The following PRKCG variants were observed in gnomAD, a reference collection of about 807,000 sequenced individuals.
The protein encoded by PRKCG is protein kinase C gamma.
In PRKCG, 28 loss-of-function variants were observed where a neutral mutation model predicts 82.0. That is an observed-to-expected ratio of 0.34 (90% CI 0.25 to 0.47). PRKCG has a LOEUF of 0.47. PRKCG is among the 20% of genes least tolerant of loss of function. The pLI is 1.00. For missense variants in PRKCG, 640 were observed against 952.7 expected (o/e 0.67, Z 4.32); for synonymous variants, 383 against 376.6 (o/e 1.02, Z -0.20).
In PRKCG at chr19:53,892,497, A is replaced by C. The variant is rs747244105; in HGVS notation, c.687-12A>C. 5.6e-6 allele frequency: 9 copies of C among 1,608,844 alleles called. No individual in the cohort carries two copies. Among genetic ancestry groups the C allele is most frequent in the Middle Eastern group, 1.6e-4 (1 of 6,080 alleles). ...CTCGGCTCTGCACCCCATCCACCCC[A>C]CCTTCCTGCAGCAACCTGAAGCCAG... On this transcript the variant is annotated splice_polypyrimidine_tract_variant and intron_variant, in intron 6 of 17. Coordinates refer to ENST00000263431, the MANE Select transcript of PRKCG (RefSeq NM_002739.5). The surrounding 1 kb of genome is among the most constrained non-coding windows in gnomAD (Gnocchi z 5.9).
In PRKCG at chr19:53,906,933, C is replaced by T; in HGVS notation, c.*38C>T. 1 of 1,612,402 alleles carries T rather than the reference C, an allele frequency of 6.2e-7. No homozygotes were observed. ...CCACTAGGTGTCCCCAACGTCCCCTCCGCCGTGCCGGCGGCAGCCCCACTT... is the reference window on the plus strand; with the variant it reads ...CCACTAGGTGTCCCCAACGTCCCCTTCGCCGTGCCGGCGGCAGCCCCACTT... On this transcript the variant is annotated 3_prime_UTR_variant, in exon 18 of 18. Transcript: ENST00000263431.
chr19:53,882,773 CA>C lies in PRKCG; in HGVS notation c.170+110del. 6.9e-7 allele frequency: 1 copy of C among 1,439,750 alleles called. No homozygotes were observed. The highest frequency in any genetic ancestry group is 9.3e-7 in the Non-Finnish European group (1 of 1,074,990). 89.2% of individuals were successfully genotyped at this position (1,439,750 alleles called of 1,614,324 possible). On this transcript the variant is annotated intron_variant, in intron 1 of 17. Coordinates refer to ENST00000263431, the MANE Select transcript of PRKCG (RefSeq NM_002739.5). This position sits in a 1 kb window ranked among gnomAD's most constrained non-coding sequence, Gnocchi z 6.1. ...AGGAGGGGGCTGTAGTCCCGACTCCCAGGTTCTAGGATGGCCAGGGAACGCT... is the reference window on the plus strand; with the variant it reads ...AGGAGGGGGCTGTAGTCCCGACTCCCGGTTCTAGGATGGCCAGGGAACGCT...
chr19:53,893,512 C>A, intron 9 of PRKCG, 121 bp downstream of exon 9: 1 of 1,113,134 alleles, frequency 9.0e-7, no homozygotes, highest in Non-Finnish European at 1.4e-6. Context: ...TTGTGCTAGG[C>A]CTGTCTTGTG....
At position 53,907,258 on chromosome 19, in the gene PRKCG, A is replaced by G. The variant is rs1389809141; in HGVS notation, c.*363A>G. 2.7e-6 allele frequency: 1 copy of G among 364,890 alleles called. No individual in the cohort carries two copies. Among genetic ancestry groups the G allele is most frequent in the Non-Finnish European group, 5.2e-6 (1 of 193,146 alleles). 22.6% of individuals were successfully genotyped at this position (364,890 alleles called of 1,614,324 possible). On this transcript the variant is annotated 3_prime_UTR_variant, in exon 18 of 18. Transcript: ENST00000263431. ...CTCCCCCCAGACCCCGCCCCTGGGG[A>G]AATAGCCTCACGGGGTTGGCTGTTC...
At chr19:53,888,787 G>GA (rs555468925) in intron 3 of PRKCG, among the ~76,000 whole-genome samples, 70 of 152,256 alleles carry the variant, frequency 4.6e-4, no homozygotes, top group African/African-American at 1.6e-3. Context: ...AGCTGCCAGT[G>GA]AAGGAGCTGG....
At chr19:53,894,317 A>G (rs1379964745) in intron 9 of PRKCG, among the ~76,000 whole-genome samples, 13 of 146,938 alleles carry the variant, frequency 8.8e-5, no homozygotes, top group Non-Finnish European at 1.2e-4. Flanking sequence ...CACCCGCCTC[A>G]GCCTCCCAAA....
intron 14 of PRKCG, among the ~76,000 whole-genome samples, chr19:53,902,684 C>T (rs958081031): frequency 3.3e-5 from 5 of 151,804 alleles, no homozygotes; most frequent in Admixed American, 6.6e-5. Flanking sequence ...TGCTTGAGTC[C>T]GGGAGTTTGA....
In PRKCG at chr19:53,892,644, G is replaced by A; in HGVS notation, c.821+1G>A. 6.2e-7 allele frequency: 1 copy of A among 1,610,836 alleles called. No individual in the cohort carries two copies. The highest frequency in any genetic ancestry group is 8.5e-7 in the Non-Finnish European group (1 of 1,179,666). On this transcript the variant is annotated splice_donor_variant, in intron 7 of 17. Transcript: ENST00000263431. LOFTEE classifies it high-confidence loss of function. This position sits in a 1 kb window ranked among gnomAD's most constrained non-coding sequence, Gnocchi z 5.9. ...TGCTCAAGGCGCCCGTGGATGGCTG[G>A]TGAGGAGCAGGGCTGGGGCCTGGGG...
intron 3 of PRKCG, among the ~76,000 whole-genome samples, chr19:53,888,008 A>G (rs974157214): frequency 6.6e-6 from 1 of 152,090 alleles, no homozygotes; most frequent in Admixed American, 6.6e-5. Context: ...TTGAACTCTG[A>G]TGTATGTAAC....
At chr19:53,893,415 T>C (rs2068694865) in intron 9 of PRKCG, 24 bp downstream of exon 9, 1 of 1,609,022 alleles carries the variant, frequency 6.2e-7, no homozygotes, top group East Asian at 2.2e-5. Flanking sequence ...GGGCGTTGAA[T>C]GGAGGCAGTT....
In PRKCG at chr19:53,883,342, T is replaced by A; in HGVS notation, c.202+148T>A. The A allele has an allele frequency of 1.0e-6, 1 of 988,790 alleles. No homozygotes were observed. The highest frequency in any genetic ancestry group is 1.5e-6 in the Non-Finnish European group (1 of 657,154). 61.3% of individuals were successfully genotyped at this position (988,790 alleles called of 1,614,324 possible). A position where few individuals can be genotyped will look rare whatever the true frequency, so the allele number is the denominator to read the frequency against. Reference sequence around the variant, plus strand: ...GGGGGTGTGGCAGAGACACAGCCTGTGGTGGGGAGGGAGCTTTGATGGTGG... The same window carrying A: ...GGGGGTGTGGCAGAGACACAGCCTGAGGTGGGGAGGGAGCTTTGATGGTGG... On this transcript the variant is annotated intron_variant, in intron 2 of 17. Transcript: ENST00000263431. The surrounding 1 kb of genome is among the most constrained non-coding windows in gnomAD (Gnocchi z 5.4).
At position 53,883,076 on chromosome 19, in the gene PRKCG, C is replaced by G. The variant is rs568296999; in HGVS notation, c.171-87C>G. 1.3e-6 allele frequency: 2 copies of G among 1,540,208 alleles called. No homozygotes were observed. Among genetic ancestry groups the G allele is most frequent in the East Asian group, 4.5e-5 (2 of 44,482 alleles). On this transcript the variant is annotated intron_variant, in intron 1 of 17. Coordinates refer to ENST00000263431, the MANE Select transcript of PRKCG (RefSeq NM_002739.5). This position sits in a 1 kb window ranked among gnomAD's most constrained non-coding sequence, Gnocchi z 5.4. The stretch of plus-strand genomic sequence containing the variant: ...CACCTGGGCCCTGCGGGAGGAGGGT[C>G]AGAGAGCGCAGGCCCCCTGTGGCTC...
In PRKCG at chr19:53,900,227, C is replaced by T. The variant is rs375578686; in HGVS notation, c.1282-6C>T. 2.0e-5 allele frequency: 33 copies of T among 1,613,712 alleles called. No homozygotes were observed. The African/African-American group carries it at 2.4e-4, about 12-fold the overall frequency. On this transcript the variant is annotated splice_polypyrimidine_tract_variant and splice_region_variant and intron_variant, in intron 11 of 17. Coordinates refer to ENST00000263431, the MANE Select transcript of PRKCG (RefSeq NM_002739.5). This position sits in a 1 kb window ranked among gnomAD's most constrained non-coding sequence, Gnocchi z 4.2. ...CCCGCCTCTAAGCCCATGCACTTCT[C>T]CGCAGGACCGCCTGTATTTCGTGAT...
In PRKCG at chr19:53,898,607, C is replaced by G; in HGVS notation, c.1260C>G (p.Leu420=). The G allele has an allele frequency of 1.3e-6, 2 of 1,591,242 alleles. No individual in the cohort carries two copies. The highest frequency in any genetic ancestry group is 1.7e-6 in the Non-Finnish European group (2 of 1,170,006). The change falls in exon 11 of 18, where the codon CTC becomes CTG. Residue 420 remains leucine, a synonymous_variant. Transcript: ENST00000263431. The stretch of plus-strand genomic sequence containing the variant: ...GCCGGCCCCACTTCCTCACCCAGCT[C>G]CACTCCACCTTCCAGACCCCGGTAA... ...PGGRPHFLTQ[L]HSTFQTPDRL... is the part of the protein sequence containing the mutation.
Position 53,892,752 on chromosome 19 carries a change from G to GCGCACACA in PRKCG, c.821+110_821+111insGCACACAC, listed in dbSNP as rs1201671245. 1.4e-3 allele frequency: 1,550 copies of GCGCACACA among 1,096,666 alleles called. 7 individuals are homozygous for GCGCACACA. Among genetic ancestry groups the GCGCACACA allele is most frequent in the African/African-American group, 9.8e-3 (586 of 59,574 alleles). The allele number at this position is 1,096,666 out of a possible 1,614,324, so 67.9% of individuals were successfully genotyped here. A position where few individuals can be genotyped will look rare whatever the true frequency, so the allele number is the denominator to read the frequency against. ...TCCTTCCCTCTGCCTCCCAGCATGC[G>GCGCACACA]CACACACACACACACACACACACAC... On this transcript the variant is annotated intron_variant, in intron 7 of 17. Coordinates refer to ENST00000263431, the MANE Select transcript of PRKCG (RefSeq NM_002739.5). This position sits in a 1 kb window ranked among gnomAD's most constrained non-coding sequence, Gnocchi z 5.9.
intron 16 of PRKCG, among the ~76,000 whole-genome samples, chr19:53,905,436 T>C (rs571126966): frequency 2.0e-5 from 3 of 151,658 alleles, no homozygotes; most frequent in South Asian, 4.2e-4. Context: ...TCCTCCCTTT[T>C]CTCTGGGTCT....
At chr19:53,906,637 G>C in intron 17 of PRKCG, 70 bp from the exon 18 acceptor site, 1 of 1,568,604 alleles carries the variant, frequency 6.4e-7, no homozygotes, top group Non-Finnish European at 8.8e-7. Flanking sequence ...AGATGAGACT[G>C]GGGTACACAG....
In PRKCG at chr19:53,892,969, G is replaced by T. The variant is rs769623822; in HGVS notation, c.822-19G>T. 1.2e-6 allele frequency: 2 copies of T among 1,612,186 alleles called. No individual in the cohort carries two copies. Among genetic ancestry groups the T allele is most frequent in the Non-Finnish European group, 1.7e-6 (2 of 1,178,646 alleles). On this transcript the variant is annotated intron_variant, in intron 7 of 17. Transcript: ENST00000263431. The surrounding 1 kb of genome is among the most constrained non-coding windows in gnomAD (Gnocchi z 5.9). ...GCCCCATCCCCGCTGCCCGCCTCTG[G>T]TCTCCGTCTGTATGTCAGGTACAAG...
intron 16 of PRKCG, among the ~76,000 whole-genome samples, chr19:53,905,536 G>A (rs1599955088): frequency 1.3e-5 from 2 of 150,876 alleles, no homozygotes; most frequent in African/African-American, 4.9e-5. Context: ...TGTCCCCCTG[G>A]GTCTCCTCTG....
Sources: gnomAD v4.1 joint callset for allele counts (sites outside exome capture counted in the v4.1 genomes callset) on GRCh38, gnomAD v4.1.1 for gene constraint, Gnocchi (gnomAD v3.1) non-coding constraint, MANE v1.5 for transcripts, NCBI Gene and HGNC (gene_info 2026-07-23, HGNC 2026-07-21) for gene names.